The following GUCY1A2 variants were observed in gnomAD, a reference collection of about 807,000 sequenced individuals.
GUCY1A2 encodes guanylate cyclase 1 soluble subunit alpha 2.
Under a neutral mutation model 63.5 loss-of-function variants are expected in GUCY1A2, and 27 were observed. That is an observed-to-expected ratio of 0.43 (90% CI 0.31 to 0.59). The LOEUF is 0.59. Ranked by LOEUF, GUCY1A2 falls within the 20% of genes least tolerant of loss-of-function variation. GUCY1A2 has a pLI of 0.11. For synonymous variants in GUCY1A2, 364 were observed against 343.5 expected (o/e 1.06, Z -0.66); for missense variants, 768 against 913.3 (o/e 0.84, Z 2.05).
rs6588938 is a variant in GUCY1A2, at chr11:106,936,864, A to G, written c.1206+2596T>C. Among the ~76,000 whole-genome samples, 405 of 152,312 alleles carry G rather than the reference A, an allele frequency of 2.7e-3. 1 individual carries two copies. The highest frequency in any genetic ancestry group is 9.3e-3 in the African/African-American group (388 of 41,564). On this transcript the variant is annotated intron_variant, in intron 4 of 7. Coordinates refer to ENST00000526355, the MANE Select transcript of GUCY1A2 (RefSeq NM_000855.3). ...TTTTCTTATAAAAGCCAACTAAAAA[A>G]TTAGAGACTTCAGACATCATAGAGG...
At chr11:106,960,391 ATTG>A (rs1861043785) in intron 3 of GUCY1A2, among the ~76,000 whole-genome samples, 1 of 152,316 alleles carries the variant, frequency 6.6e-6, no homozygotes, top group South Asian at 2.1e-4. Context: ...TATTTTCTGT[ATTG>A]TTGTGTTTTT....
At position 106,805,248 on chromosome 11, in the gene GUCY1A2, ATTT is replaced by A. The variant is rs11424210; in HGVS notation, c.1692+4742_1692+4744del. ...CAGAGAAAACTATTTTATCACTAACATTTTTTTTTTTTTTTGAGACGTAGTCTC... is the reference window on the plus strand; with the variant it reads ...CAGAGAAAACTATTTTATCACTAACATTTTTTTTTTTTGAGACGTAGTCTC... On this transcript the variant is annotated intron_variant, in intron 5 of 7. Coordinates refer to ENST00000526355, the MANE Select transcript of GUCY1A2 (RefSeq NM_000855.3). Among the ~76,000 whole-genome samples, 715 of 143,096 alleles carry A rather than the reference ATTT, an allele frequency of 5.0e-3. 5 individuals carry two copies. Among genetic ancestry groups the A allele is most frequent in the African/African-American group, 0.016 (610 of 39,204 alleles). 93.9% of individuals were successfully genotyped at this position (143,096 alleles called of 152,430 possible).
intron 6 of GUCY1A2, among the ~76,000 whole-genome samples, chr11:106,730,430 T>C (rs1863483640): frequency 6.6e-6 from 1 of 152,032 alleles, no homozygotes; most frequent in Admixed American, 6.6e-5. Context: ...TCCATGTTGC[T>C]TCAAAGAACA....
intron 4 of GUCY1A2, among the ~76,000 whole-genome samples, chr11:106,900,735 T>C (rs1860120888): frequency 6.6e-6 from 1 of 152,212 alleles, no homozygotes; most frequent in African/African-American, 2.4e-5. Flanking sequence ...TCCTAGTGCA[T>C]ATACAAATTA....
At chr11:106,910,488 T>C (rs1474623078) in intron 4 of GUCY1A2, among the ~76,000 whole-genome samples, 1 of 152,046 alleles carries the variant, frequency 6.6e-6, no homozygotes, top group South Asian at 2.1e-4. Context: ...CAGAATATCT[T>C]TGTGAAAACT....
intron 4 of GUCY1A2, among the ~76,000 whole-genome samples, chr11:106,895,219 T>C (rs1359851127): frequency 6.6e-6 from 1 of 152,212 alleles, no homozygotes; most frequent in African/African-American, 2.4e-5. Flanking sequence ...TCTATATCTA[T>C]TAAATAAATT....
chr11:106,865,956 A>C, intron 4 of GUCY1A2, among the ~76,000 whole-genome samples: 1 of 151,846 alleles, frequency 6.6e-6, no homozygotes, highest in East Asian at 1.9e-4. Flanking sequence ...AAACTTCTTG[A>C]GAAAATAAAC....
At chr11:106,848,150 G>A (rs1859302204) in intron 4 of GUCY1A2, among the ~76,000 whole-genome samples, 1 of 151,604 alleles carries the variant, frequency 6.6e-6, no homozygotes, top group Admixed American at 6.6e-5. Flanking sequence ...TGGTGAAAAT[G>A]CTGGAACGAG....
intron 4 of GUCY1A2, among the ~76,000 whole-genome samples, chr11:106,857,507 C>A (rs1273937391): frequency 6.6e-6 from 1 of 152,154 alleles, no homozygotes; most frequent in African/African-American, 2.4e-5. Context: ...CCAGTCATTG[C>A]TGCTTCTCAT....
At chr11:106,958,611 TAAA>T (rs35988321) in intron 3 of GUCY1A2, among the ~76,000 whole-genome samples, 2 of 142,940 alleles carry the variant, frequency 1.4e-5, no homozygotes, top group African/African-American at 2.6e-5. Context: ...CTGTTTAATA[TAAA>T]AAAAAAAAAG....
At chr11:107,017,038 AT>A (rs1477236674) in intron 1 of GUCY1A2, among the ~76,000 whole-genome samples, 2 of 151,294 alleles carry the variant, frequency 1.3e-5, no homozygotes, top group African/African-American at 4.9e-5. Context: ...TTTAAATTAA[AT>A]TTAATTTAAA....
At chr11:106,949,754 C>T (rs187098656) in intron 3 of GUCY1A2, among the ~76,000 whole-genome samples, 193 of 152,282 alleles carry the variant, frequency 1.3e-3, no homozygotes, top group African/African-American at 4.5e-3. Flanking sequence ...GGAAGGAAAC[C>T]ATTCCAGACT....
At chr11:106,944,067 G>C (rs1860788352) in intron 3 of GUCY1A2, among the ~76,000 whole-genome samples, 1 of 151,110 alleles carries the variant, frequency 6.6e-6, no homozygotes, top group Non-Finnish European at 1.5e-5. Flanking sequence ...AATTAGCAGG[G>C]CATGGTGGTA....
intron 6 of GUCY1A2, among the ~76,000 whole-genome samples, chr11:106,709,504 A>ATAATATAT (rs1863011656): frequency 3.9e-5 from 2 of 51,478 alleles, no homozygotes; most frequent in African/African-American, 1.5e-4. Flanking sequence ...ATATAATAAT[A>ATAATATAT]TATATTATTC....
intron 1 of GUCY1A2, among the ~76,000 whole-genome samples, chr11:107,015,761 T>C (rs920392127): frequency 1.3e-5 from 2 of 152,102 alleles, no homozygotes; most frequent in Non-Finnish European, 2.9e-5. Flanking sequence ...TGGACTCCTG[T>C]TGTAAATAAA....
chr11:106,697,667 G>A (rs1008686677), intron 7 of GUCY1A2, among the ~76,000 whole-genome samples: 4 of 152,022 alleles, frequency 2.6e-5, no homozygotes, highest in Admixed American at 2.6e-4. Flanking sequence ...CGATATAGAG[G>A]CTTGATTACA....
rs546701194 is a variant in GUCY1A2, at chr11:106,914,148, T to G, written c.1206+25312A>C. 3.3e-5 allele frequency among the ~76,000 whole-genome samples: 5 copies of G among 152,048 alleles called. No homozygotes were observed. The East Asian group carries it at 9.7e-4, about 29-fold the overall frequency. On this transcript the variant is annotated intron_variant, in intron 4 of 7. Transcript: ENST00000526355. ...GTAAAACAAGCAACTGTGTAGTAAG[T>G]ATATTACACTGAATACTATGGGAGC...
rs142199564 is a variant in GUCY1A2 at position 106,830,525 on chromosome 11, G to A, written c.1207-20047C>T. On this transcript the variant is annotated intron_variant, in intron 4 of 7. Transcript: ENST00000526355. ...GGGCACCATCTAATCAGCTGCCAGC[G>A]CTGCCAGAATAAAAGCAGGCAGAAG... is the stretch of plus-strand genomic sequence containing the variant. 4.8e-3 allele frequency among the ~76,000 whole-genome samples: 724 copies of A among 152,276 alleles called. 6 individuals are homozygous for A. The highest frequency in any genetic ancestry group is 0.015 in the African/African-American group (644 of 41,572).
rs966457706 is a variant in GUCY1A2, at chr11:106,824,720, T to G, written c.1207-14242A>C. 2.3e-6 allele frequency: 3 copies of G among 1,286,842 alleles called. 1 individual carries two copies. The African/African-American group carries it at 4.5e-5, about 19-fold the overall frequency. The allele number at this position is 1,286,842 out of a possible 1,614,324, so 79.7% of individuals were successfully genotyped here. A position where few individuals can be genotyped will look rare whatever the true frequency, so the allele number is the denominator to read the frequency against. On this transcript the variant is annotated intron_variant, in intron 4 of 7. Coordinates refer to ENST00000526355, the MANE Select transcript of GUCY1A2 (RefSeq NM_000855.3). ...AAAAAGCCAACTGATACAGAAAGAA[T>G]ATTTTGAAATATTTAATCTCATGAG...
Sources: gnomAD v4.1 joint callset for allele counts (sites outside exome capture counted in the v4.1 genomes callset) on GRCh38, gnomAD v4.1.1 for gene constraint, MANE v1.5 for transcripts, NCBI Gene and HGNC (gene_info 2026-07-23, HGNC 2026-07-21) for gene names.